Variants in TMEM117 observed in about 807,000 individuals in gnomAD.
TMEM117 encodes the protein transmembrane protein 117.
A neutral mutation model predicts 52.4 loss-of-function variants in TMEM117; 27 were observed. The ratio of observed to expected loss-of-function variants is 0.51; its 90% CI spans 0.38 to 0.71. The LOEUF (loss-of-function observed/expected upper bound fraction) is 0.71, where lower values mean the gene tolerates loss of function less well. TMEM117 is among the 30% of genes least tolerant of loss of function. The pLI, the probability that TMEM117 is intolerant of heterozygous loss-of-function variation, is 0.00. For missense variants in TMEM117, 556 were observed against 630.5 expected (o/e 0.88, Z 1.26); for synonymous variants, 215 against 206.3 (o/e 1.04, Z -0.36).
chr12:44,169,062 A>G (rs1949008891), intron 4 of TMEM117, among the ~76,000 whole-genome samples: 1 of 152,162 alleles, frequency 6.6e-6, no homozygotes, highest in Admixed American at 6.5e-5. Context: ...CTCGTATTCT[A>G]TTTTGTATGT....
intron 3 of TMEM117, among the ~76,000 whole-genome samples, chr12:44,106,663 T>TA (rs1947959752): frequency 6.6e-6 from 1 of 151,920 alleles, no homozygotes; most frequent in Non-Finnish European, 1.5e-5. Context: ...CAATTTTTAA[T>TA]AAAAAATTAA....
At chr12:43,887,684 G>A (rs901648325) in intron 2 of TMEM117, among the ~76,000 whole-genome samples, 7 of 152,268 alleles carry the variant, frequency 4.6e-5, no homozygotes, top group African/African-American at 1.4e-4. Flanking sequence ...AAAAAATTCA[G>A]CAGAAGTTAC....
At chr12:44,374,275 G>T (rs949954362) in intron 6 of TMEM117, among the ~76,000 whole-genome samples, 3 of 151,992 alleles carry the variant, frequency 2.0e-5, no homozygotes, top group Non-Finnish European at 4.4e-5. Context: ...TGGAGGCAAG[G>T]CTTTAAGAGA....
intron 2 of TMEM117, among the ~76,000 whole-genome samples, chr12:43,874,921 C>A (rs1402991270): frequency 6.6e-6 from 1 of 152,156 alleles, no homozygotes; most frequent in Non-Finnish European, 1.5e-5. Context: ...AGGCCAGGGT[C>A]ACTGAAATCC....
At chr12:43,985,518 A>G (rs964633398) in intron 3 of TMEM117, among the ~76,000 whole-genome samples, 1 of 152,206 alleles carries the variant, frequency 6.6e-6, no homozygotes, top group Non-Finnish European at 1.5e-5. Context: ...CATATTAATT[A>G]TGATAGTTAT....
intron 5 of TMEM117, among the ~76,000 whole-genome samples, chr12:44,220,770 G>A (rs1392927156): frequency 6.6e-6 from 1 of 152,120 alleles, no homozygotes; most frequent in Non-Finnish European, 1.5e-5. Context: ...ATTTCAAAGG[G>A]ATGCAAGAGT....
intron 3 of TMEM117, among the ~76,000 whole-genome samples, chr12:44,050,599 T>G (rs1433168259): frequency 3.9e-5 from 6 of 152,212 alleles, no homozygotes; most frequent in Non-Finnish European, 1.5e-5. Flanking sequence ...TGCCTCAGTC[T>G]CTTTCTCTGC....
At chr12:44,009,664 C>T (rs1306179283) in intron 3 of TMEM117, 7 of 240,170 alleles carry the variant, frequency 2.9e-5, no homozygotes, top group African/African-American at 2.3e-5. Flanking sequence ...CTGGTTTATA[C>T]TTGAAGTCTG....
At chr12:43,854,580 G>A (rs549808253) in intron 2 of TMEM117, among the ~76,000 whole-genome samples, 1 of 152,184 alleles carries the variant, frequency 6.6e-6, no homozygotes, top group South Asian at 2.1e-4. Flanking sequence ...AACAGTAAAG[G>A]TGTGTGTTAC....
intron 6 of TMEM117, among the ~76,000 whole-genome samples, chr12:44,352,990 A>C (rs1163228141): frequency 1.3e-5 from 2 of 152,070 alleles, no homozygotes; most frequent in Non-Finnish European, 2.9e-5. Context: ...TCGCCATTCT[A>C]ACTGGTGTGA....
intron 3 of TMEM117, among the ~76,000 whole-genome samples, chr12:44,024,883 T>C (rs2137845732): frequency 6.6e-6 from 1 of 152,176 alleles, no homozygotes; most frequent in Admixed American, 6.5e-5. Flanking sequence ...CACACACATA[T>C]ATGTACATAC....
rs141232203 is a variant in TMEM117, at chr12:43,886,003, A to G, written c.277+41075A>G. ...TCTAGAATATTGAGCATAAGTTGGG[A>G]TAGAGATAAAGGCAGTCAGCATGAC... On this transcript the variant is annotated intron_variant, in intron 2 of 7. Coordinates refer to ENST00000266534, the MANE Select transcript of TMEM117 (RefSeq NM_032256.3). Among the ~76,000 whole-genome samples, 251 of 152,352 alleles carry G rather than the reference A, an allele frequency of 1.6e-3. 1 individual carries two copies. Among genetic ancestry groups the G allele is most frequent in the African/African-American group, 5.7e-3 (239 of 41,586 alleles).
rs1950288937 is a variant in TMEM117 at position 44,258,758 on chromosome 12, C to T, written c.609-40822C>T. On this transcript the variant is annotated intron_variant, in intron 5 of 7. Transcript: ENST00000266534. ...TCACATATAAACTTTACAGAATTAG[C>T]AAATGTGTAGTTGTGGCTGTGTCCA... Among the ~76,000 whole-genome samples, 4 of 152,036 alleles carry T rather than the reference C, an allele frequency of 2.6e-5. No homozygotes were observed. In the South Asian group the frequency reaches 8.3e-4, roughly 32 times the overall value.
chr12:43,919,759 A>G (rs1289758443), intron 2 of TMEM117, among the ~76,000 whole-genome samples: 1 of 151,634 alleles, frequency 6.6e-6, no homozygotes, highest in African/African-American at 2.4e-5. Flanking sequence ...TCTCATCAGT[A>G]GTGTGTAAGG....
At chr12:44,262,051 C>A (rs1950326577) in intron 5 of TMEM117, among the ~76,000 whole-genome samples, 1 of 152,104 alleles carries the variant, frequency 6.6e-6, no homozygotes, top group South Asian at 2.1e-4. Context: ...AAAAGAAATA[C>A]CTGTAAGGAT....
At chr12:44,363,141 C>A (rs1236161691) in intron 6 of TMEM117, among the ~76,000 whole-genome samples, 1 of 152,134 alleles carries the variant, frequency 6.6e-6, no homozygotes, top group African/African-American at 2.4e-5. Flanking sequence ...ACTGGACAGA[C>A]CTAGGTTTGG....
At chr12:44,351,945 A>T (rs1951568065) in intron 6 of TMEM117, among the ~76,000 whole-genome samples, 1 of 151,736 alleles carries the variant, frequency 6.6e-6, no homozygotes, top group African/African-American at 2.4e-5. Flanking sequence ...GACGTACCTT[A>T]AAAAAAAGCT....
At chr12:44,287,833 T>C (rs1950656009) in intron 5 of TMEM117, among the ~76,000 whole-genome samples, 1 of 152,220 alleles carries the variant, frequency 6.6e-6, no homozygotes, top group Non-Finnish European at 1.5e-5. Flanking sequence ...GGTTTAGTTA[T>C]TGAAACTTCC....
intron 6 of TMEM117, among the ~76,000 whole-genome samples, chr12:44,313,637 C>G (rs773998133): frequency 1.3e-5 from 2 of 152,138 alleles, no homozygotes; most frequent in Middle Eastern, 3.4e-3. Context: ...TTTTATAATT[C>G]TGTGAAAAAA....
Sources: allele counts gnomAD v4.1 joint callset (sites outside exome capture counted in the v4.1 genomes callset), GRCh38; gene constraint gnomAD v4.1.1; transcripts MANE v1.5; gene names NCBI Gene and HGNC (gene_info 2026-07-23, HGNC 2026-07-21).